The following THSD4 variants were observed in gnomAD, a reference collection of about 807,000 sequenced individuals.
THSD4 encodes the protein thrombospondin type-1 domain-containing protein 4.
Under a neutral mutation model 119.0 loss-of-function variants are expected in THSD4, and 69 were observed. The ratio of observed to expected loss-of-function variants is 0.58; its 90% CI spans 0.48 to 0.71. The LOEUF (loss-of-function observed/expected upper bound fraction) is 0.71. Ranked by LOEUF, THSD4 falls within the 30% of genes least tolerant of loss-of-function variation. The probability of loss-of-function intolerance (pLI) is 0.00; values close to 1 mark genes in which losing one functional copy is unlikely to be tolerated. For synonymous variants in THSD4, 524 were observed against 540.4 expected, an observed-to-expected ratio of 0.97 and a Z score of 0.42; for missense variants, 1,393 against 1,391.1, an observed-to-expected ratio of 1.00 and a Z score of -0.02.
intron 7 of THSD4, among the ~76,000 whole-genome samples, chr15:71,472,746 C>T (rs1004940903): frequency 6.6e-5 from 10 of 152,190 alleles, no homozygotes; most frequent in African/African-American, 7.2e-5. Flanking sequence ...AGGTTGATTT[C>T]ACAGGAGGCT....
chr15:71,174,380 G>A (rs373911563), intron 3 of THSD4, among the ~76,000 whole-genome samples: 2 of 150,724 alleles, frequency 1.3e-5, no homozygotes, highest in South Asian at 2.1e-4. Flanking sequence ...GGTGATGGAC[G>A]CACCTGGAAA....
intron 7 of THSD4, among the ~76,000 whole-genome samples, chr15:71,503,354 G>A (rs540839919): frequency 6.6e-6 from 1 of 152,258 alleles, no homozygotes; most frequent in Non-Finnish European, 1.5e-5. Flanking sequence ...AGCTCTGTAG[G>A]CCACAGCAAG....
chr15:71,367,216 TC>T (rs879490568), intron 6 of THSD4, among the ~76,000 whole-genome samples: 142 of 113,646 alleles, frequency 1.2e-3, no homozygotes, highest in Non-Finnish European at 2.2e-3. Flanking sequence ...TGCTAGGCTC[TC>T]TTTTTTTTTT....
rs559567450 is a variant in THSD4 at position 71,700,752 on chromosome 15, C to A, written c.1358-27797C>A. ...TGAAATGAAATAATCTAGAAATAGA[C>A]CCCTGTTTGTAGTATATGATAAAAG... On this transcript the variant is annotated intron_variant, in intron 8 of 17. Transcript: ENST00000261862. 3.9e-5 allele frequency among the ~76,000 whole-genome samples: 6 copies of A among 152,044 alleles called. No homozygotes were observed. In the East Asian group the frequency reaches 9.7e-4, roughly 24 times the overall value.
intron 6 of THSD4, among the ~76,000 whole-genome samples, chr15:71,291,555 C>T (rs896653279): frequency 5.1e-4 from 78 of 152,164 alleles, no homozygotes; most frequent in Non-Finnish European, 8.8e-5. Flanking sequence ...GAGGGTCAGC[C>T]TTTTTGTTCT....
chr15:71,649,519 T>G (rs1254437840), intron 7 of THSD4, among the ~76,000 whole-genome samples: 1 of 152,146 alleles, frequency 6.6e-6, no homozygotes, highest in African/African-American at 2.4e-5. Context: ...TCAGGTGATC[T>G]GCCTACCTCA....
At chr15:71,466,653 T>C (rs2047504370) in intron 7 of THSD4, among the ~76,000 whole-genome samples, 1 of 152,222 alleles carries the variant, frequency 6.6e-6, no homozygotes, top group Non-Finnish European at 1.5e-5. Flanking sequence ...TTTGCCCAGA[T>C]TGTGGCAGTG....
chr15:71,205,469 C>A (rs896531718), intron 3 of THSD4, among the ~76,000 whole-genome samples: 2 of 152,172 alleles, frequency 1.3e-5, no homozygotes, highest in African/African-American at 4.8e-5. Flanking sequence ...TTCATATTTT[C>A]TCTAAAGCGT....
chr15:71,589,356 A>G (rs200418364), intron 7 of THSD4, among the ~76,000 whole-genome samples: 1 of 132,690 alleles, frequency 7.5e-6, no homozygotes, highest in African/African-American at 2.6e-5. Flanking sequence ...TTATTTATTT[A>G]TTTATTTTTT....
chr15:71,382,579 CAATAT>C (rs2046241976), intron 6 of THSD4, among the ~76,000 whole-genome samples: 1 of 152,104 alleles, frequency 6.6e-6, no homozygotes, highest in Non-Finnish European at 1.5e-5. Flanking sequence ...TCTTCCTTAA[CAATAT>C]AACACATCCT....
intron 7 of THSD4, among the ~76,000 whole-genome samples, chr15:71,514,300 G>T (rs1011894228): frequency 6.6e-6 from 1 of 152,204 alleles, no homozygotes; most frequent in Non-Finnish European, 1.5e-5. Flanking sequence ...ATGGAAAGAG[G>T]CCCTTCCATC....
At chr15:71,396,532 C>T (rs1435456634) in intron 6 of THSD4, among the ~76,000 whole-genome samples, 5 of 152,136 alleles carry the variant, frequency 3.3e-5, no homozygotes, top group African/African-American at 9.7e-5. Flanking sequence ...CAGTTCCTGA[C>T]GGGAGAAACC....
intron 3 of THSD4, among the ~76,000 whole-genome samples, chr15:71,194,820 A>G (rs921620719): frequency 7.2e-5 from 11 of 152,206 alleles, no homozygotes; most frequent in African/African-American, 1.2e-4. Context: ...GACACAGCCC[A>G]TGGCTCTTCT....
intron 6 of THSD4, among the ~76,000 whole-genome samples, chr15:71,339,925 C>T (rs113573338): frequency 0.042 from 6,444 of 152,008 alleles, 485 homozygotes; most frequent in African/African-American, 0.15. Flanking sequence ...CCACCATGCC[C>T]GGCTAATTTT....
In THSD4 at chr15:71,758,042, C is replaced by T; in HGVS notation, c.2556C>T (p.Gly852=). 1 of 1,603,494 alleles carries T rather than the reference C, an allele frequency of 6.2e-7. No homozygotes were observed. Among genetic ancestry groups the T allele is most frequent in the South Asian group, 1.1e-5 (1 of 89,540 alleles). ...ATPCDNGPCT[G]KVEWFAGSWS... ...CATGTGACAACGGACCCTGCACGGG[C>T]AAGGTGGAGTGGTTTGCCGGGAGCT... Residue 852 remains glycine (G), a synonymous_variant, in exon 15 of 18, where the codon GGC becomes GGT. Transcript: ENST00000261862.
intron 7 of THSD4, among the ~76,000 whole-genome samples, chr15:71,619,394 G>A (rs560023885): frequency 3.3e-5 from 5 of 152,230 alleles, no homozygotes; most frequent in East Asian, 1.9e-4. Flanking sequence ...GTTTCTCTGC[G>A]GACCCAGGAG....
chr15:71,551,142 A>G (rs1320816515), intron 7 of THSD4, among the ~76,000 whole-genome samples: 1 of 152,236 alleles, frequency 6.6e-6, no homozygotes, highest in African/African-American at 2.4e-5. Flanking sequence ...CTAGATGTGT[A>G]ATGAAATGAC....
At chr15:71,215,846 G>A (rs1433445885) in intron 4 of THSD4, among the ~76,000 whole-genome samples, 1 of 152,238 alleles carries the variant, frequency 6.6e-6, no homozygotes, top group Non-Finnish European at 1.5e-5. Context: ...AATGTTTGGA[G>A]CCTTAGAATG....
At chr15:71,383,518 T>A (rs1224934427) in intron 6 of THSD4, among the ~76,000 whole-genome samples, 1 of 152,220 alleles carries the variant, frequency 6.6e-6, no homozygotes, top group East Asian at 1.9e-4. Flanking sequence ...AACCAGTGTC[T>A]TTTCCATTTT....
Sources: gnomAD v4.1 joint callset for allele counts (sites outside exome capture counted in the v4.1 genomes callset) on GRCh38, gnomAD v4.1.1 for gene constraint, MANE v1.5 for transcripts, NCBI Gene and HGNC (gene_info 2026-07-23, HGNC 2026-07-21) for gene names.